Variants in CAPZA2 observed in about 807,000 individuals in gnomAD.
CAPZA2 encodes F-actin-capping protein subunit alpha-2.
CAPZA2 carries 13 observed loss-of-function variants against 44.0 expected under a neutral mutation model. The observed-to-expected ratio is 0.30, with a 90% CI of 0.19 to 0.47. CAPZA2 has a LOEUF of 0.47. CAPZA2 is among the 20% of genes least tolerant of loss of function. The probability of loss-of-function intolerance (pLI) is 1.00; values close to 1 mark genes in which losing one functional copy is unlikely to be tolerated. For synonymous variants in CAPZA2, 94 were observed against 108.2 expected (o/e 0.87, Z 0.81); for missense variants, 244 against 338.6 (o/e 0.72, Z 2.19).
chr7:116,896,782 A>G (rs903018752), intron 3 of CAPZA2, among the ~76,000 whole-genome samples: 1 of 152,104 alleles, frequency 6.6e-6, no homozygotes, highest in South Asian at 2.1e-4. Flanking sequence ...GTATTTGCAT[A>G]GATGGAGGGG....
At chr7:116,865,059 G>T (rs989881097) in intron 1 of CAPZA2, among the ~76,000 whole-genome samples, 1 of 151,910 alleles carries the variant, frequency 6.6e-6, no homozygotes, top group Non-Finnish European at 1.5e-5. Context: ...TTTCACAGAT[G>T]AGTAGAGTGA....
At position 116,888,158 on chromosome 7, in the gene CAPZA2, C is replaced by G. The variant is rs991380135; in HGVS notation, c.71C>G (p.Ala24Gly). 1 of 1,610,908 alleles carries G rather than the reference C, an allele frequency of 6.2e-7. No individual in the cohort carries two copies. Among genetic ancestry groups the G allele is most frequent in the Middle Eastern group, 1.7e-4 (1 of 6,054 alleles). Residue 24 changes from alanine (A) to glycine (G), a missense_variant, in exon 2 of 10, where the codon GCC becomes GGC. Transcript: ENST00000361183. ...VRIAAKFIIH[A>G]PPGEFNEVFN... Reference sequence around the variant, plus strand: ...ATAGCAGCAAAATTCATCATTCATGCCCCTCCTGGAGAATTTAATGAGGTT... The same window carrying G: ...ATAGCAGCAAAATTCATCATTCATGGCCCTCCTGGAGAATTTAATGAGGTT...
In CAPZA2 at chr7:116,888,125, A is replaced by G; in HGVS notation, c.40-2A>G. 6.2e-7 allele frequency: 1 copy of G among 1,603,866 alleles called. No individual in the cohort carries two copies. On this transcript the variant is annotated splice_acceptor_variant, in intron 1 of 9. Transcript: ENST00000361183. LOFTEE classifies it high-confidence loss of function. ...ACATTTATATCTTTCTTTCTGTTTC[A>G]GGTGCGTATAGCAGCAAAATTCATC...
chr7:116,912,022 C>T, intron 7 of CAPZA2, 47 bp from the exon 8 acceptor site: 1 of 1,606,420 alleles, frequency 6.2e-7, no homozygotes, highest in Non-Finnish European at 8.5e-7. Flanking sequence ...CAATAAGGTT[C>T]TTGATGATTC....
chr7:116,910,391 A>G, intron 7 of CAPZA2, 80 bp downstream of exon 7: 1 of 739,782 alleles, frequency 1.4e-6, no homozygotes, highest in Non-Finnish European at 2.4e-6. Context: ...ACATTTTCAT[A>G]GTATATCATA....
At chr7:116,890,202 C>T (rs948846603) in intron 2 of CAPZA2, among the ~76,000 whole-genome samples, 1 of 152,044 alleles carries the variant, frequency 6.6e-6, no homozygotes, top group African/African-American at 2.4e-5. Context: ...CTAGAAATTG[C>T]TTTCCTAAGT....
intron 1 of CAPZA2, among the ~76,000 whole-genome samples, chr7:116,867,209 A>G (rs1273456619): frequency 6.6e-6 from 1 of 152,230 alleles, no homozygotes; most frequent in Non-Finnish European, 1.5e-5. Context: ...CACTGTACAA[A>G]CAGAATGCAA....
At chr7:116,914,345 A>C (rs1288143633) in intron 8 of CAPZA2, among the ~76,000 whole-genome samples, 1 of 151,912 alleles carries the variant, frequency 6.6e-6, no homozygotes, top group African/African-American at 2.4e-5. Flanking sequence ...ATTTATTTTT[A>C]ACTCAAGAAA....
intron 1 of CAPZA2, chr7:116,874,626 C>T (rs781515480): frequency 6.6e-6 from 1 of 152,188 alleles, no homozygotes; most frequent in Non-Finnish European, 1.5e-5. Context: ...CACTTCTGAT[C>T]CTAAGCAGCA....
chr7:116,913,526 GAACT>G (rs1791624092), intron 8 of CAPZA2, among the ~76,000 whole-genome samples: 3 of 151,378 alleles, frequency 2.0e-5, no homozygotes, highest in Admixed American at 1.3e-4. Context: ...AAGAATTTTT[GAACT>G]TGGTTTTATT....
At chr7:116,907,694 C>G (rs12706115) in intron 6 of CAPZA2, among the ~76,000 whole-genome samples, 1 of 151,844 alleles carries the variant, frequency 6.6e-6, no homozygotes, top group South Asian at 2.1e-4. Context: ...TTGCCCAGGC[C>G]GGTCTCAAAT....
chr7:116,906,194 A>C, intron 5 of CAPZA2, 69 bp from the exon 6 acceptor site: 1 of 1,568,876 alleles, frequency 6.4e-7, no homozygotes. Context: ...GCAGTATTTT[A>C]TAGATTTTTA....
At chr7:116,913,043 A>G (rs893395679) in intron 8 of CAPZA2, among the ~76,000 whole-genome samples, 8 of 152,138 alleles carry the variant, frequency 5.3e-5, no homozygotes, top group Non-Finnish European at 1.2e-4. Flanking sequence ...GATTTTGAGC[A>G]TCTTTTCTTG....
chr7:116,892,956 A>C, intron 2 of CAPZA2, 38 bp from the exon 3 acceptor site: 1 of 1,431,116 alleles, frequency 7.0e-7, no homozygotes, highest in Non-Finnish European at 9.7e-7. Flanking sequence ...CTTGAAACAT[A>C]TAACAATAAT....
intron 1 of CAPZA2, among the ~76,000 whole-genome samples, chr7:116,867,524 A>G (rs1473427397): frequency 2.6e-5 from 4 of 151,734 alleles, no homozygotes; most frequent in Non-Finnish European, 5.9e-5. Flanking sequence ...ATTGTTACTT[A>G]ATCGTGCTGT....
intron 1 of CAPZA2, among the ~76,000 whole-genome samples, chr7:116,873,093 G>A (rs186279301): frequency 1.4e-4 from 21 of 152,136 alleles, no homozygotes; most frequent in African/African-American, 3.1e-4. Context: ...TGATCATGGC[G>A]GCCCATACCA....
At chr7:116,863,323 A>T (rs1796442084) in intron 1 of CAPZA2, among the ~76,000 whole-genome samples, 1 of 151,896 alleles carries the variant, frequency 6.6e-6, no homozygotes, top group East Asian at 1.9e-4. Context: ...GGAGTTGCTC[A>T]CAAAAAGACG....
At chr7:116,874,519 A>G (rs950723585) in intron 1 of CAPZA2, 1 of 152,254 alleles carries the variant, frequency 6.6e-6, no homozygotes, top group African/African-American at 2.4e-5. Flanking sequence ...ATCTGAGGGC[A>G]TCAGTGTCTC....
At chr7:116,895,797 G>A (rs1796917727) in intron 3 of CAPZA2, among the ~76,000 whole-genome samples, 1 of 152,046 alleles carries the variant, frequency 6.6e-6, no homozygotes, top group African/African-American at 2.4e-5. Context: ...GTAAGTCACT[G>A]ATTGACTTGA....
Sources: allele counts gnomAD v4.1 joint callset (sites outside exome capture counted in the v4.1 genomes callset), GRCh38; gene constraint gnomAD v4.1.1; transcripts MANE v1.5; gene names NCBI Gene and HGNC (gene_info 2026-07-23, HGNC 2026-07-21).